Variants in NTSR1 observed in about 807,000 individuals in gnomAD.
NTSR1 encodes the protein neurotensin receptor 1.
Under a neutral mutation model 31.2 loss-of-function variants are expected in NTSR1, and 29 were observed. That is an observed-to-expected ratio of 0.93 (90% CI 0.69 to 1.27). NTSR1 has a LOEUF of 1.27. Ranked by LOEUF, NTSR1 falls within the 50% of genes most tolerant of loss-of-function variation. The pLI, the probability that NTSR1 is intolerant of heterozygous loss-of-function variation, is 0.00. For missense variants in NTSR1, 697 were observed against 595.4 expected, an observed-to-expected ratio of 1.17 and a Z score of -1.78; for synonymous variants, 282 against 269.9, an observed-to-expected ratio of 1.04 and a Z score of -0.44.
In NTSR1 at chr20:62,744,200, A is replaced by G. The variant is rs562320307; in HGVS notation, c.715-10485A>G. Among the ~76,000 whole-genome samples, 2 of 152,094 alleles carry G rather than the reference A, an allele frequency of 1.3e-5. No homozygotes were observed. Among genetic ancestry groups the G allele is most frequent in the Admixed American group, 1.3e-4 (2 of 15,288 alleles). On this transcript the variant is annotated intron_variant, in intron 1 of 3. Transcript: ENST00000370501. The surrounding 1 kb of genome is among the most constrained non-coding windows in gnomAD (Gnocchi z 4.1). ...CCAATTTGCTTCCTTTCCCACACCC[A>G]AGGGAGCACAGTCAGTGCTCCAGGA...
chr20:62,709,997 T>A (rs757950024), intron 1 of NTSR1, 76 bp downstream of exon 1: 4 of 1,214,450 alleles, frequency 3.3e-6, no homozygotes, highest in Non-Finnish European at 4.6e-6. Context: ...GCCTTCTGGG[T>A]AGGGAGTGGG....
chr20:62,755,114 CTCCCTCCCTCCATCCATCCTTCCT>C (rs1989463136), intron 2 of NTSR1, among the ~76,000 whole-genome samples: 1 of 145,784 alleles, frequency 6.9e-6, no homozygotes, highest in Non-Finnish European at 1.5e-5. Flanking sequence ...CCATCCTTCC[CTCCCTCCCTCCATCCATCCTTCCT>C]TCCCTCCATC....
In NTSR1 at chr20:62,727,058, A is replaced by T. The variant is rs1332033449; in HGVS notation, c.714+17137A>T. Among the ~76,000 whole-genome samples the T allele has an allele frequency of 2.6e-5, 4 of 152,086 alleles. No homozygotes were observed. In the East Asian group the frequency reaches 7.7e-4, roughly 29 times the overall value. Reference sequence around the variant, plus strand: ...GCTGGAGGAGAAGGGTTTCTGCATCACCTGTTTTCATTGGTTCCAAGGCTC... The same window carrying T: ...GCTGGAGGAGAAGGGTTTCTGCATCTCCTGTTTTCATTGGTTCCAAGGCTC... On this transcript the variant is annotated intron_variant, in intron 1 of 3. Coordinates refer to ENST00000370501, the MANE Select transcript of NTSR1 (RefSeq NM_002531.3).
At chr20:62,736,200 G>A (rs1014362948) in intron 1 of NTSR1, among the ~76,000 whole-genome samples, 4 of 152,186 alleles carry the variant, frequency 2.6e-5, no homozygotes, top group Non-Finnish European at 5.9e-5. Context: ...ATCGTGGCTG[G>A]GGATTCTCTG....
Position 62,715,288 on chromosome 20 carries a change from T to C in NTSR1, c.714+5367T>C, listed in dbSNP as rs1183634549. On this transcript the variant is annotated intron_variant, in intron 1 of 3. Coordinates refer to ENST00000370501, the MANE Select transcript of NTSR1 (RefSeq NM_002531.3). This position sits in a 1 kb window ranked among gnomAD's most constrained non-coding sequence, Gnocchi z 4.7. ...ACCAGACCTGCCTGTTGGAGCCAGG[T>C]GGGAGACGGCAGGGTGAGGACGTGC... is the stretch of plus-strand genomic sequence containing the variant. Among the ~76,000 whole-genome samples the C allele has an allele frequency of 6.6e-6, 1 of 152,146 alleles. No individual in the cohort carries two copies. Among genetic ancestry groups the C allele is most frequent in the Non-Finnish European group, 1.5e-5 (1 of 68,004 alleles).
At chr20:62,746,695 C>G (rs549193871) in intron 1 of NTSR1, among the ~76,000 whole-genome samples, 4 of 152,320 alleles carry the variant, frequency 2.6e-5, no homozygotes, top group Admixed American at 6.5e-5. Flanking sequence ...TAGAAACTCA[C>G]AAGCTTCCTA....
intron 1 of NTSR1, among the ~76,000 whole-genome samples, chr20:62,747,239 A>G (rs1368977151): frequency 6.6e-6 from 1 of 152,244 alleles, no homozygotes; most frequent in Non-Finnish European, 1.5e-5. Flanking sequence ...AATGCATGCT[A>G]CACAATAAAG....
chr20:62,715,557 G>T lies in NTSR1; in HGVS notation c.714+5636G>T, dbSNP rs1307067488. On this transcript the variant is annotated intron_variant, in intron 1 of 3. Coordinates refer to ENST00000370501, the MANE Select transcript of NTSR1 (RefSeq NM_002531.3). The surrounding 1 kb of genome is among the most constrained non-coding windows in gnomAD (Gnocchi z 4.7). The stretch of plus-strand genomic sequence containing the variant: ...CCATGGCTGGCTCTGACTGGGCTTG[G>T]AGTCCTCGAGAGTGACTTGGCCCAG... 1.3e-5 allele frequency among the ~76,000 whole-genome samples: 2 copies of T among 152,250 alleles called. No individual in the cohort carries two copies. Among genetic ancestry groups the T allele is most frequent in the Non-Finnish European group, 2.9e-5 (2 of 68,034 alleles).
At chr20:62,727,587 C>T (rs1988930709) in intron 1 of NTSR1, among the ~76,000 whole-genome samples, 1 of 152,346 alleles carries the variant, frequency 6.6e-6, no homozygotes, top group African/African-American at 2.4e-5. Flanking sequence ...CCTCCGCCTC[C>T]AGCATCGAGG....
chr20:62,728,832 C>T (rs910204191), intron 1 of NTSR1, among the ~76,000 whole-genome samples: 4 of 152,214 alleles, frequency 2.6e-5, no homozygotes, highest in South Asian at 2.1e-4. Context: ...GTCACCTGCA[C>T]CCAGAACCGG....
rs548157776 is a variant in NTSR1 at position 62,758,083 on chromosome 20, G to C, written c.917-183G>C. 6.2e-5 allele frequency among the ~76,000 whole-genome samples: 9 copies of C among 144,842 alleles called. No homozygotes were observed. Among genetic ancestry groups the C allele is most frequent in the Admixed American group, 2.1e-4 (3 of 14,582 alleles). On this transcript the variant is annotated intron_variant, in intron 2 of 3. Coordinates refer to ENST00000370501, the MANE Select transcript of NTSR1 (RefSeq NM_002531.3). The surrounding 1 kb of genome is among the most constrained non-coding windows in gnomAD (Gnocchi z 4.5). ...CACGTCTCTGTGCCTCAGGTGCAGTGGGTCTCTGAGCCCATGTCTCTGTGC... is the reference window on the plus strand; with the variant it reads ...CACGTCTCTGTGCCTCAGGTGCAGTCGGTCTCTGAGCCCATGTCTCTGTGC...
At chr20:62,718,327 A>G (rs2147133193) in intron 1 of NTSR1, among the ~76,000 whole-genome samples, 2 of 152,176 alleles carry the variant, frequency 1.3e-5, no homozygotes, top group South Asian at 4.2e-4. Flanking sequence ...GGGAGTGACC[A>G]AGGAGTCCTA....
intron 1 of NTSR1, among the ~76,000 whole-genome samples, chr20:62,712,258 C>T (rs1225711212): frequency 6.6e-6 from 1 of 152,240 alleles, no homozygotes; most frequent in Non-Finnish European, 1.5e-5. Context: ...TCTGGGCAAA[C>T]ATCCACGGTT....
rs565779905 is a variant in NTSR1, at chr20:62,720,222, C to T, written c.714+10301C>T. Among the ~76,000 whole-genome samples, 13 of 152,292 alleles carry T rather than the reference C, an allele frequency of 8.5e-5. No individual in the cohort carries two copies. The South Asian group carries it at 2.7e-3, about 32-fold the overall frequency. The stretch of plus-strand genomic sequence containing the variant: ...GGCTAAGGCAGGAGAATCGCTTTAA[C>T]TCGGGAGGTGGAGGTTGCAATGAAC... On this transcript the variant is annotated intron_variant, in intron 1 of 3. Coordinates refer to ENST00000370501, the MANE Select transcript of NTSR1 (RefSeq NM_002531.3).
rs1361136291 is a variant in NTSR1, at chr20:62,758,295, T to C, written c.946T>C (p.Trp316Arg). 17 of 1,613,658 alleles carry C rather than the reference T, an allele frequency of 1.1e-5. No homozygotes were observed. The highest frequency in any genetic ancestry group is 1.4e-5 in the Non-Finnish European group (16 of 1,179,984). The change falls in exon 3 of 4, where the codon TGG becomes CGG. Residue 316 changes from tryptophan (W) to arginine (R), a missense_variant. Trp to Arg is a moderately radical substitution (Grantham distance 101). Coordinates refer to ENST00000370501, the MANE Select transcript of NTSR1 (RefSeq NM_002531.3). The surrounding 1 kb of genome is among the most constrained non-coding windows in gnomAD (Gnocchi z 4.5). ...RAVVIAFVVC[W>R]LPYHVRRLMF... ...AGTGGTCATCGCCTTTGTGGTCTGC[T>C]GGCTGCCCTACCACGTGCGGCGCCT... is the stretch of plus-strand genomic sequence containing the variant.
chr20:62,722,997 G>A (rs1281707291), intron 1 of NTSR1, among the ~76,000 whole-genome samples: 3 of 152,236 alleles, frequency 2.0e-5, no homozygotes, highest in Non-Finnish European at 2.9e-5. Context: ...GACAGCCACT[G>A]TGTTTGAGTA....
At chr20:62,754,944 C>T (rs6011192) in intron 2 of NTSR1, 58 bp downstream of exon 2, 194 of 1,471,096 alleles carry the variant, frequency 1.3e-4, no homozygotes, top group Non-Finnish European at 1.7e-4. Flanking sequence ...GCAAAGGCAG[C>T]GAGCGCTGAA....
chr20:62,736,248 G>T (rs1036770810), intron 1 of NTSR1, among the ~76,000 whole-genome samples: 1 of 152,208 alleles, frequency 6.6e-6, no homozygotes, highest in African/African-American at 2.4e-5. Flanking sequence ...GGGAAGCCAG[G>T]CTCCTTTCCC....
chr20:62,710,313 AC>A (rs1277080239), intron 1 of NTSR1, among the ~76,000 whole-genome samples: 39 of 152,192 alleles, frequency 2.6e-4, no homozygotes, highest in African/African-American at 8.9e-4. Flanking sequence ...AAGCCCCCAG[AC>A]TGGCTCTGCC....
Sources: allele counts gnomAD v4.1 joint callset (sites outside exome capture counted in the v4.1 genomes callset), GRCh38; gene constraint gnomAD v4.1.1; non-coding constraint Gnocchi (gnomAD v3.1); transcripts MANE v1.5; gene names NCBI Gene and HGNC (gene_info 2026-07-23, HGNC 2026-07-21).